Variants in SBF1 observed in about 807,000 individuals in gnomAD.
SBF1 encodes the protein SET binding factor 1, also known as myotubularin-related protein 5.
In SBF1, 65 loss-of-function variants were observed where a neutral mutation model predicts 215.8. The ratio of observed to expected loss-of-function variants is 0.30; its 90% CI spans 0.25 to 0.37. SBF1 has a LOEUF of 0.37. Among genes scored for constraint, SBF1 ranks in the 10% least tolerant of loss-of-function variants. The probability of loss-of-function intolerance (pLI) is 1.00; values close to 1 mark genes in which losing one functional copy is unlikely to be tolerated. For synonymous variants in SBF1, 1,410 were observed against 1,122.8 expected, an observed-to-expected ratio of 1.26 and a Z score of -5.11; for missense variants, 2,634 against 2,667.8, an observed-to-expected ratio of 0.99 and a Z score of 0.28.
Position 50,465,225 on chromosome 22 carries a change from C to T in SBF1, c.1193G>A (p.Arg398His), listed in dbSNP as rs771686648. The stretch of plus-strand genomic sequence containing the variant: ...CACCAGGCACCCCACCTTATGGAAG[C>T]GGATGACAGGCTCCGGGTGGATGCG... Reference protein sequence around the residue: ...VVRIHPEPVIRFHKAAFLGQR... With the variant: ...VVRIHPEPVIHFHKAAFLGQR... The change falls in exon 11 of 41, where the codon CGC (arginine) becomes CAC (histidine). Residue 398 changes from arginine (R) to histidine (H), a missense_variant. Transcript: ENST00000380817. The T allele has an allele frequency of 6.8e-6, 11 of 1,612,402 alleles. No individual in the cohort carries two copies. The highest frequency in any genetic ancestry group is 2.2e-5 in the East Asian group (1 of 44,834).
rs550081409 is a variant in SBF1, at chr22:50,467,580, C to A, written c.390G>T (p.Pro130=). 3 of 1,614,118 alleles carry A rather than the reference C, an allele frequency of 1.9e-6. No individual in the cohort carries two copies. Among genetic ancestry groups the A allele is most frequent in the Non-Finnish European group, 2.5e-6 (3 of 1,179,988 alleles). Residue 130 remains proline, a synonymous_variant, in exon 4 of 41, where the codon CCG becomes CCT. Coordinates refer to ENST00000380817, the MANE Select transcript of SBF1 (RefSeq NM_002972.4). ...GTCGCGACACCAGTACCAGCGTCTT[C>A]GGTGCAAACAGCTGGGCAGATGGGG... ...APAPSAQLFA[P]KTLVLVSRLD... is the part of the protein sequence containing the mutation.
chr22:50,464,254 A>C (rs565911570), intron 15 of SBF1, 75 bp downstream of exon 15: 1 of 1,260,534 alleles, frequency 7.9e-7, no homozygotes, highest in South Asian at 1.3e-5. Flanking sequence ...GTCAGCACTC[A>C]CAAGGGTGAA....
At chr22:50,471,475 C>T (rs2067992324) in intron 1 of SBF1, among the ~76,000 whole-genome samples, 1 of 152,224 alleles carries the variant, frequency 6.6e-6, no homozygotes, top group South Asian at 2.1e-4. Flanking sequence ...GCAGCCTCTC[C>T]TGTTTCCCCA....
At chr22:50,471,000 C>T (rs74676574) in intron 1 of SBF1, among the ~76,000 whole-genome samples, 2,427 of 152,244 alleles carry the variant, frequency 0.016, 29 homozygotes, top group Non-Finnish European at 0.025. Context: ...CCACATCTTC[C>T]CAGGGTCCCC....
chr22:50,469,988 G>A (rs1199477749), intron 1 of SBF1, among the ~76,000 whole-genome samples: 1 of 152,070 alleles, frequency 6.6e-6, no homozygotes, highest in Non-Finnish European at 1.5e-5. Flanking sequence ...TCAGCTTCCT[G>A]CTCCCCTCCC....
chr22:50,459,793 C>A (rs2067422695), intron 26 of SBF1, 127 bp from the exon 27 acceptor site: 2 of 1,305,062 alleles, frequency 1.5e-6, no homozygotes, highest in Non-Finnish European at 1.0e-6. Flanking sequence ...AGCCACGGGG[C>A]CCCCCAGCCA....
chr22:50,467,437 G>A lies in SBF1; in HGVS notation c.450C>T (p.Gly150=), dbSNP rs373939235. 3.3e-5 allele frequency: 53 copies of A among 1,614,070 alleles called. No individual in the cohort carries two copies. The highest frequency in any genetic ancestry group is 4.3e-5 in the Non-Finnish European group (51 of 1,180,038). Residue 150 remains glycine (G), a synonymous_variant, in exon 5 of 41, where the codon GGC becomes GGT. Coordinates refer to ENST00000380817, the MANE Select transcript of SBF1 (RefSeq NM_002972.4). ...DHTEVFRNSL[G]LIYAIHVEGL... Reference sequence around the variant, plus strand: ...CCTCCACGTGGATGGCATAGATGAGGCCAAGGCTGTTCTGCAATGACCAGA... The same window carrying A: ...CCTCCACGTGGATGGCATAGATGAGACCAAGGCTGTTCTGCAATGACCAGA...
chr22:50,463,053 C>A (rs1013277086), intron 16 of SBF1, 115 bp from the exon 17 acceptor site: 139 of 1,222,992 alleles, frequency 1.1e-4, no homozygotes, highest in Non-Finnish European at 1.5e-4. Flanking sequence ...ACCCTTGGCT[C>A]CAGCTCCCCA....
chr22:50,446,740 A>C lies in SBF1; in HGVS notation c.*402T>G. 1 of 485,716 alleles carries C rather than the reference A, an allele frequency of 2.1e-6. No individual in the cohort carries two copies. Among genetic ancestry groups the C allele is most frequent in the Non-Finnish European group, 4.0e-6 (1 of 247,124 alleles). 30.1% of individuals were successfully genotyped at this position (485,716 alleles called of 1,614,324 possible). A position where few individuals can be genotyped will look rare whatever the true frequency, so the allele number is the denominator to read the frequency against. On this transcript the variant is annotated 3_prime_UTR_variant, in exon 41 of 41. Coordinates refer to ENST00000380817, the MANE Select transcript of SBF1 (RefSeq NM_002972.4). ...CCGCCAGGTGGGCCTGGATAGGGGC[A>C]GATGGGACCCTCTGGGTAGGCCGAG...
Position 50,448,549 on chromosome 22 carries a change from G to A in SBF1, c.5145C>T (p.Asp1715=), listed in dbSNP as rs768802405. ...KAAQRLEGRP[D]GRGTPSSLLV... ...CACACTGGCCCTCACTCACACGGCC[G>A]TCTGGCCGGCCCTCGAGGCGCTGTG... Residue 1715 remains aspartate (D), a synonymous_variant, in exon 37 of 41, where the codon GAC becomes GAT. Transcript: ENST00000380817. The A allele has an allele frequency of 3.5e-5, 57 of 1,612,032 alleles. No homozygotes were observed. Among genetic ancestry groups the A allele is most frequent in the Admixed American group, 1.0e-4 (6 of 60,008 alleles).
intron 28 of SBF1, among the ~76,000 whole-genome samples, chr22:50,458,770 G>A (rs553136788): frequency 6.6e-6 from 1 of 152,184 alleles, no homozygotes; most frequent in Non-Finnish European, 1.5e-5. Context: ...AAGGAACCAG[G>A]ACACACGAGG....
chr22:50,452,252 G>A (rs2067075894), intron 36 of SBF1, among the ~76,000 whole-genome samples: 1 of 151,984 alleles, frequency 6.6e-6, no homozygotes, highest in South Asian at 2.1e-4. Flanking sequence ...CAAAAGCTGA[G>A]GGGATTTGTG....
rs1275746010 is a variant in SBF1 at position 50,467,275 on chromosome 22, C to T, written c.549+63G>A. The stretch of plus-strand genomic sequence containing the variant: ...TGTGGCTCTGGCTGGGCTCCAAATA[C>T]CTACCAGGGCCCCAGCAGGAGGGCC... On this transcript the variant is annotated intron_variant, in intron 5 of 40. Transcript: ENST00000380817. The T allele has an allele frequency of 5.0e-6, 7 of 1,400,284 alleles. No homozygotes were observed. In the African/African-American group the frequency reaches 7.1e-5, roughly 14 times the overall value. The allele number at this position is 1,400,284 out of a possible 1,614,324, so 86.7% of individuals were successfully genotyped here. A position where few individuals can be genotyped will look rare whatever the true frequency, so the allele number is the denominator to read the frequency against.
At position 50,447,102 on chromosome 22, in the gene SBF1, T is replaced by C; in HGVS notation, c.*40A>G. ...GGCCCTGCCCACCCCTAGTGGTCGG[T>C]AACGACCGGAAGCAGAGCAGCCGGG... On this transcript the variant is annotated 3_prime_UTR_variant, in exon 41 of 41. Transcript: ENST00000380817. 6.4e-7 allele frequency: 1 copy of C among 1,567,170 alleles called. No individual in the cohort carries two copies. The highest frequency in any genetic ancestry group is 8.7e-7 in the Non-Finnish European group (1 of 1,150,098).
At position 50,458,119 on chromosome 22, in the gene SBF1, A is replaced by G. The variant is rs947485025; in HGVS notation, c.3827-1008T>C. Among the ~76,000 whole-genome samples the G allele has an allele frequency of 1.4e-4, 22 of 152,232 alleles. 1 individual carries two copies. The highest frequency in any genetic ancestry group is 6.8e-3 in the Middle Eastern group (2 of 294). ...TCGAGATCATCCTGGCTAACACGGT[A>G]AAACCCTGTCTCTACTAAAAATACA... is the stretch of plus-strand genomic sequence containing the variant. On this transcript the variant is annotated intron_variant, in intron 28 of 40. Coordinates refer to ENST00000380817, the MANE Select transcript of SBF1 (RefSeq NM_002972.4).
Position 50,448,523 on chromosome 22 carries a change from T to C in SBF1, c.5151+20A>G, listed in dbSNP as rs1235417478. 1 of 1,610,806 alleles carries C rather than the reference T, an allele frequency of 6.2e-7. No homozygotes were observed. Among genetic ancestry groups the C allele is most frequent in the Admixed American group, 1.7e-5 (1 of 59,980 alleles). ...CCAGCAACACGCCCACCGTGGACGC[T>C]CACACTGGCCCTCACTCACACGGCC... On this transcript the variant is annotated intron_variant, in intron 37 of 40. Transcript: ENST00000380817.
rs1483848685 is a variant in SBF1 at position 50,464,423 on chromosome 22, C to T, written c.1655G>A (p.Cys552Tyr). Residue 552 changes from cysteine (C) to tyrosine (Y), a missense_variant, in exon 15 of 41, where the codon TGC becomes TAC. Physicochemically the swap from Cys to Tyr is radical, Grantham distance 194 (BLOSUM62 -2). Coordinates refer to ENST00000380817, the MANE Select transcript of SBF1 (RefSeq NM_002972.4). The part of the protein sequence containing the change: ...GPPMTAILER[C>Y]SGLHVNSARR... ...GGCGCTGTTGACATGCAGCCCACTG[C>T]ACCGCTCCAGTATGGCAGCTGCGGG... 2 of 1,613,928 alleles carry T rather than the reference C, an allele frequency of 1.2e-6. No individual in the cohort carries two copies. The highest frequency in any genetic ancestry group is 2.2e-5 in the South Asian group (2 of 91,076).
chr22:50,454,972 C>A (rs757790365), intron 34 of SBF1, 28 bp from the exon 35 acceptor site: 4 of 1,613,832 alleles, frequency 2.5e-6, no homozygotes, highest in Non-Finnish European at 3.4e-6. Flanking sequence ...TGAGCCTGGG[C>A]CCCTCCTGAC....
Position 50,455,139 on chromosome 22 carries a change from G to A in SBF1, c.4558C>T (p.His1520Tyr), listed in dbSNP as rs1398496954. 5 of 1,614,058 alleles carry A rather than the reference G, an allele frequency of 3.1e-6. No homozygotes were observed. Among genetic ancestry groups the A allele is most frequent in the Admixed American group, 1.7e-5 (1 of 60,022 alleles). The stretch of plus-strand genomic sequence containing the variant: ...TCAAACTCCATGGGGAACTGCAGGT[G>A]GACCTGCACGCCATGTGGGTCAGGG... ...LQFLDCVHQV[H>Y]LQFPMEFEFS... The change falls in exon 34 of 41, where the codon CAC becomes TAC. Residue 1520 changes from histidine (H) to tyrosine (Y), a missense_variant. Physicochemically the swap from His to Tyr is moderately conservative, Grantham distance 83. Transcript: ENST00000380817.
Sources: gnomAD v4.1 joint callset for allele counts (sites outside exome capture counted in the v4.1 genomes callset) on GRCh38, gnomAD v4.1.1 for gene constraint, MANE v1.5 for transcripts, NCBI Gene and HGNC (gene_info 2026-07-23, HGNC 2026-07-21) for gene names.